The following INPP5K variants were observed in gnomAD, a reference collection of about 807,000 sequenced individuals.
The protein encoded by INPP5K is inositol polyphosphate-5-phosphatase K.
A neutral mutation model predicts 53.5 loss-of-function variants in INPP5K; 35 were observed. The ratio of observed to expected loss-of-function variants is 0.65; its 90% CI spans 0.50 to 0.87. The LOEUF is 0.87. Among genes scored for constraint, INPP5K ranks in the 40% least tolerant of loss-of-function variants. INPP5K has a pLI of 0.00. For missense variants in INPP5K, 550 were observed against 586.2 expected, an observed-to-expected ratio of 0.94 and a Z score of 0.64; for synonymous variants, 253 against 232.8, an observed-to-expected ratio of 1.09 and a Z score of -0.79.
intron 5 of INPP5K, 93 bp from the exon 6 acceptor site, chr17:1,508,319 C>CT: frequency 7.3e-6 from 7 of 959,014 alleles, no homozygotes; most frequent in Non-Finnish European, 1.2e-5. Flanking sequence ...CCAAGGGCTG[C>CT]TGGGGCACAG....
chr17:1,515,505 G>C, intron 1 of INPP5K: 1 of 985,372 alleles, frequency 1.0e-6, no homozygotes, highest in Non-Finnish European at 1.2e-6. Flanking sequence ...GCGGGCAGGA[G>C]CTACAGACCC....
At chr17:1,508,681 C>T (rs957719122) in intron 5 of INPP5K, among the ~76,000 whole-genome samples, 2 of 152,126 alleles carry the variant, frequency 1.3e-5, no homozygotes, top group South Asian at 2.1e-4. Context: ...AGAACACTGA[C>T]GACACTGGCT....
At chr17:1,516,280 G>A (rs1384371770) in intron 1 of INPP5K, among the ~76,000 whole-genome samples, 176 bp downstream of exon 1, 1 of 152,256 alleles carries the variant, frequency 6.6e-6, no homozygotes, top group Non-Finnish European at 1.5e-5. Context: ...CGGCTTAGAG[G>A]GGGCGCGAGG....
intron 4 of INPP5K, 36 bp from the exon 5 acceptor site, chr17:1,509,389 C>G: frequency 6.3e-7 from 1 of 1,592,006 alleles, no homozygotes; most frequent in East Asian, 2.2e-5. Context: ...TGGGAAGCTA[C>G]TCGGGTTGGA....
At chr17:1,499,228 G>T (rs911058091) in intron 7 of INPP5K, among the ~76,000 whole-genome samples, 9 of 152,196 alleles carry the variant, frequency 5.9e-5, no homozygotes, top group Admixed American at 3.3e-4. Flanking sequence ...AGAGTCGACT[G>T]AGAGGCCGCG....
rs367909093 is a variant in INPP5K, at chr17:1,509,754, T to G, written c.307A>C (p.Lys103Gln). 11 of 1,613,514 alleles carry G rather than the reference T, an allele frequency of 6.8e-6. No homozygotes were observed. Among genetic ancestry groups the G allele is most frequent in the Non-Finnish European group, 9.3e-6 (11 of 1,179,740 alleles). ...TGGATATAGGGCAAATGCTGATACT[T>G]GGCAAAGACCAGTAAGAGGATCCCC... Reference protein sequence around the residue: ...MQGILLLVFAKYQHLPYIQIL... With the variant: ...MQGILLLVFAQYQHLPYIQIL... The change falls in exon 4 of 12, where the codon AAG becomes CAG. Residue 103 changes from lysine (K) to glutamine (Q), a missense_variant. Coordinates refer to ENST00000421807, the MANE Select transcript of INPP5K (RefSeq NM_016532.4).
chr17:1,497,602 G>C (rs1404420299), intron 8 of INPP5K, among the ~76,000 whole-genome samples: 1 of 152,118 alleles, frequency 6.6e-6, no homozygotes, highest in East Asian at 1.9e-4. Flanking sequence ...GGGAGCGCCC[G>C]TTGCAACTTG....
intron 4 of INPP5K, 70 bp from the exon 5 acceptor site, chr17:1,509,423 G>A (rs2075254565): frequency 6.9e-7 from 1 of 1,443,162 alleles, no homozygotes. Context: ...CCACATCCTG[G>A]ACCTGAGGGC....
intron 5 of INPP5K, 108 bp from the exon 6 acceptor site, chr17:1,508,334 C>A (rs1249764992): frequency 1.2e-6 from 1 of 837,452 alleles, no homozygotes; most frequent in African/African-American, 1.7e-5. Flanking sequence ...GCACAGAAAA[C>A]CTGAGGGGCA....
Position 1,496,177 on chromosome 17 carries a change from G to T in INPP5K, c.1186-13C>A. On this transcript the variant is annotated splice_polypyrimidine_tract_variant and intron_variant, in intron 10 of 11. Transcript: ENST00000421807. ...TGTCGATGTAAACCTGGAGGGGGAT[G>T]GACAGGACTGGGGTCAGCTCCAGGG... 1 of 1,579,368 alleles carries T rather than the reference G, an allele frequency of 6.3e-7. No individual in the cohort carries two copies. The highest frequency in any genetic ancestry group is 8.7e-7 in the Non-Finnish European group (1 of 1,148,778).
intron 7 of INPP5K, among the ~76,000 whole-genome samples, chr17:1,501,966 C>T (rs983793417): frequency 6.6e-5 from 10 of 150,502 alleles, no homozygotes; most frequent in Admixed American, 2.0e-4. Context: ...ACCTGGGAAG[C>T]GGAGGTTTCA....
rs2074821889 is a variant in INPP5K, at chr17:1,495,950, T to C, written c.1291-71A>G. On this transcript the variant is annotated intron_variant, in intron 11 of 11. Transcript: ENST00000421807. ...CCGTGCTTTCCATCACCCCCGTTCC[T>C]GCACTGCAGCGGCCCCTCATGTACC... 4 of 1,446,816 alleles carry C rather than the reference T, an allele frequency of 2.8e-6. No homozygotes were observed. The African/African-American group carries it at 5.6e-5, about 20-fold the overall frequency. The allele number at this position is 1,446,816 out of a possible 1,614,324, so 89.6% of individuals were successfully genotyped here.
Position 1,513,547 on chromosome 17 carries a change from T to C in INPP5K, c.167A>G (p.Asn56Ser), listed in dbSNP as rs751626766. The C allele has an allele frequency of 1.9e-6, 3 of 1,614,088 alleles. No homozygotes were observed. Among genetic ancestry groups the C allele is most frequent in the Admixed American group, 3.3e-5 (2 of 60,020 alleles). The change falls in exon 3 of 12, where the codon AAC becomes AGC. Residue 56 changes from asparagine to serine, a missense_variant. By Grantham distance (46) the Asn-to-Ser change is conservative. Coordinates refer to ENST00000421807, the MANE Select transcript of INPP5K (RefSeq NM_016532.4). Reference sequence around the variant, plus strand: ...GGAAAGGAGGCTTATGATCCCAGAGTTCAATTCCTGCAAACTGACCATGCC... The same window carrying C: ...GGAAAGGAGGCTTATGATCCCAGAGCTCAATTCCTGCAAACTGACCATGCC... ...DIYVIGLQEL[N>S]SGIISLLSDA...
At chr17:1,515,516 T>G (rs368034218) in intron 1 of INPP5K, 2 of 985,634 alleles carry the variant, frequency 2.0e-6, no homozygotes, top group South Asian at 4.7e-5. Flanking sequence ...CTACAGACCC[T>G]GCAGAGACCA....
intron 8 of INPP5K, among the ~76,000 whole-genome samples, chr17:1,497,309 C>CA (rs2074881019): frequency 6.6e-6 from 1 of 152,130 alleles, no homozygotes; most frequent in Admixed American, 6.5e-5. Context: ...CCTGTGTCTA[C>CA]AAAAAATACA....
intron 3 of INPP5K, among the ~76,000 whole-genome samples, chr17:1,512,245 TGCCAGTCAGCCGAGAAGCAAGGAG>T (rs2075326263): frequency 6.6e-6 from 1 of 152,140 alleles, no homozygotes; most frequent in Non-Finnish European, 1.5e-5. Flanking sequence ...ACCAATCCTT[TGCCAGTCAGCCGAGAAGCAAGGAG>T]GCCTGCAGTC....
chr17:1,508,525 A>G (rs1264154621), intron 5 of INPP5K: 2 of 393,670 alleles, frequency 5.1e-6, no homozygotes, highest in Non-Finnish European at 9.4e-6. Context: ...TGGTGACCTC[A>G]GGAGCCACAA....
intron 8 of INPP5K, among the ~76,000 whole-genome samples, chr17:1,497,037 G>C (rs761965541): frequency 3.3e-5 from 5 of 152,216 alleles, no homozygotes; most frequent in Non-Finnish European, 5.9e-5. Flanking sequence ...GCCCAGCGCT[G>C]GGGGGTAGGA....
chr17:1,496,834 C>T (rs747967383), intron 8 of INPP5K, 31 bp from the exon 9 acceptor site: 1 of 1,608,288 alleles, frequency 6.2e-7, no homozygotes, highest in South Asian at 1.1e-5. Context: ...GGGGCTGAAT[C>T]TCGCAGCATC....
Sources: gnomAD v4.1 joint callset for allele counts (sites outside exome capture counted in the v4.1 genomes callset) on GRCh38, gnomAD v4.1.1 for gene constraint, MANE v1.5 for transcripts, NCBI Gene and HGNC (gene_info 2026-07-23, HGNC 2026-07-21) for gene names.